Variants in SMOC1 observed in about 807,000 individuals in gnomAD.
SMOC1 encodes the protein SPARC-related modular calcium-binding protein 1.
A neutral mutation model predicts 56.3 loss-of-function variants in SMOC1; 22 were observed. The ratio of observed to expected loss-of-function variants is 0.39; its 90% CI spans 0.28 to 0.56. The LOEUF (loss-of-function observed/expected upper bound fraction) is 0.56, where lower values mean the gene tolerates loss of function less well. SMOC1 is among the 20% of genes least tolerant of loss of function. The pLI is 0.61. For missense variants in SMOC1, 509 were observed against 565.4 expected (o/e 0.90, Z 1.01); for synonymous variants, 193 against 215.0 (o/e 0.90, Z 0.89).
At chr14:69,903,429 C>T (rs949093064) in intron 1 of SMOC1, among the ~76,000 whole-genome samples, 3 of 152,230 alleles carry the variant, frequency 2.0e-5, no homozygotes, top group Non-Finnish European at 2.9e-5. Context: ...TGAGAACGGG[C>T]CATGATGACG....
At chr14:69,904,922 T>C (rs1275848) in intron 1 of SMOC1, among the ~76,000 whole-genome samples, 123,384 of 152,150 alleles carry the variant, frequency 0.81, 52,314 homozygotes, top group East Asian at 0.99. Context: ...CAGAACACCA[T>C]CCCACCACTG....
At chr14:69,935,299 GGAGA>G (rs779128034) in intron 1 of SMOC1, among the ~76,000 whole-genome samples, 1 of 152,150 alleles carries the variant, frequency 6.6e-6, no homozygotes, top group Non-Finnish European at 1.5e-5. Context: ...CAAAAGTTGG[GGAGA>G]TATACCTTAT....
intron 10 of SMOC1, among the ~76,000 whole-genome samples, chr14:70,014,094 C>T (rs1885425868): frequency 6.6e-6 from 1 of 152,214 alleles, no homozygotes; most frequent in South Asian, 2.1e-4. Context: ...TTAGGCCAGT[C>T]GGTTGGAGAT....
chr14:69,896,077 C>G (rs1450786426), intron 1 of SMOC1, among the ~76,000 whole-genome samples: 2 of 152,128 alleles, frequency 1.3e-5, no homozygotes, highest in African/African-American at 4.8e-5. Context: ...CTCTTGGGCT[C>G]AAGCAGTCTT....
intron 9 of SMOC1, 32 bp from the exon 10 acceptor site, chr14:70,013,354 C>A: frequency 1.3e-6 from 2 of 1,565,930 alleles, no homozygotes; most frequent in Non-Finnish European, 1.8e-6. Flanking sequence ...TATTATCTGG[C>A]ATCTACCTTC....
intron 7 of SMOC1, among the ~76,000 whole-genome samples, chr14:70,005,653 CT>C (rs971631935): frequency 3.9e-5 from 6 of 152,158 alleles, no homozygotes; most frequent in Admixed American, 6.5e-5. Context: ...TGTTTCTTCT[CT>C]TAGGCAGTCA....
At chr14:69,983,123 C>T (rs940360050) in intron 5 of SMOC1, among the ~76,000 whole-genome samples, 6 of 152,118 alleles carry the variant, frequency 3.9e-5, no homozygotes, top group East Asian at 1.9e-4. Context: ...CATTTTGGCC[C>T]GTATTCCAGG....
At chr14:70,019,222 G>A (rs879418915) in intron 10 of SMOC1, among the ~76,000 whole-genome samples, 7 of 152,228 alleles carry the variant, frequency 4.6e-5, no homozygotes, top group Admixed American at 4.6e-4. Flanking sequence ...CTCATCCCTG[G>A]AGGCAGAAGT....
At chr14:69,993,450 G>A (rs1884637493) in intron 6 of SMOC1, among the ~76,000 whole-genome samples, 1 of 152,140 alleles carries the variant, frequency 6.6e-6, no homozygotes, top group South Asian at 2.1e-4. Context: ...GGATTTTAGT[G>A]CAATATGTAG....
In SMOC1 at chr14:69,950,169, T is replaced by G. The variant is rs540988264; in HGVS notation, c.100-1969T>G. Among the ~76,000 whole-genome samples the G allele has an allele frequency of 2.0e-5, 3 of 152,324 alleles. No individual in the cohort carries two copies. In the South Asian group the frequency reaches 6.2e-4, roughly 32 times the overall value. On this transcript the variant is annotated intron_variant, in intron 1 of 11. Coordinates refer to ENST00000361956, the MANE Select transcript of SMOC1 (RefSeq NM_001034852.3). Reference sequence around the variant, plus strand: ...GAGAAAGCGCAATTTCACTGTCCATTTGGACAAGGCCTGTGCAGTGGTTTC... The same window carrying G: ...GAGAAAGCGCAATTTCACTGTCCATGTGGACAAGGCCTGTGCAGTGGTTTC...
chr14:69,894,184 A>G (rs774043809), intron 1 of SMOC1, among the ~76,000 whole-genome samples: 5 of 152,202 alleles, frequency 3.3e-5, no homozygotes, highest in Non-Finnish European at 5.9e-5. Context: ...CATCAAATAT[A>G]CAGTGTCTTT....
intron 7 of SMOC1, among the ~76,000 whole-genome samples, chr14:70,002,840 G>A (rs1885016890): frequency 1.3e-5 from 2 of 152,242 alleles, no homozygotes; most frequent in South Asian, 4.1e-4. Context: ...CCTGCTCAGT[G>A]ATGTCCCATA....
chr14:69,893,036 A>G (rs1236812199), intron 1 of SMOC1, among the ~76,000 whole-genome samples: 1 of 152,168 alleles, frequency 6.6e-6, no homozygotes, highest in Non-Finnish European at 1.5e-5. Context: ...TGTTGAGTAA[A>G]CAGGTCTTCT....
Position 70,011,576 on chromosome 14 carries a change from C to A in SMOC1, c.940+9C>A. ...GGACAGGGAGCTACCAGGTGGGAGA[C>A]GATGCTGCCCTGCCGGCGCCATCAC... On this transcript the variant is annotated intron_variant, in intron 9 of 11. Transcript: ENST00000361956. 6.2e-7 allele frequency: 1 copy of A among 1,613,350 alleles called. No homozygotes were observed. The highest frequency in any genetic ancestry group is 8.5e-7 in the Non-Finnish European group (1 of 1,179,434).
intron 3 of SMOC1, among the ~76,000 whole-genome samples, chr14:69,963,897 C>A (rs1384827895): frequency 6.6e-6 from 1 of 152,196 alleles, no homozygotes; most frequent in Non-Finnish European, 1.5e-5. Context: ...ATCATGTTTT[C>A]AATGGAAGAA....
intron 7 of SMOC1, among the ~76,000 whole-genome samples, chr14:69,996,767 A>G (rs565149680): frequency 2.0e-5 from 3 of 152,352 alleles, no homozygotes; most frequent in African/African-American, 7.2e-5. Flanking sequence ...TTAGAGATTG[A>G]TAACTTAGGA....
rs753577615 is a variant in SMOC1, at chr14:69,892,279, G to GT, written c.99+12503dup. 1.3e-4 allele frequency among the ~76,000 whole-genome samples: 20 copies of GT among 152,312 alleles called. No individual in the cohort carries two copies. The East Asian group carries it at 1.9e-3, about 15-fold the overall frequency. ...CACTGGTCACCGATTAATGTTTGCT[G>GT]TAAGTTTCTCTAGTATGTTCTGAAT... On this transcript the variant is annotated intron_variant, in intron 1 of 11. Coordinates refer to ENST00000361956, the MANE Select transcript of SMOC1 (RefSeq NM_001034852.3).
At chr14:69,963,313 T>C (rs942435046) in intron 3 of SMOC1, among the ~76,000 whole-genome samples, 4 of 151,998 alleles carry the variant, frequency 2.6e-5, no homozygotes, top group African/African-American at 9.7e-5. Context: ...GGCATGATAT[T>C]TGTAAGAAAA....
chr14:70,015,682 A>G (rs1885485358), intron 10 of SMOC1, among the ~76,000 whole-genome samples: 1 of 152,094 alleles, frequency 6.6e-6, no homozygotes, highest in Non-Finnish European at 1.5e-5. Flanking sequence ...ACAGGGTTCA[A>G]CAGGCCCACA....
Sources: allele counts gnomAD v4.1 joint callset (sites outside exome capture counted in the v4.1 genomes callset), GRCh38; gene constraint gnomAD v4.1.1; transcripts MANE v1.5; gene names NCBI Gene and HGNC (gene_info 2026-07-23, HGNC 2026-07-21).